ABHD12: variants seen among roughly 807,000 people sequenced by gnomAD.
The protein encoded by ABHD12 is abhydrolase domain containing 12, lysophospholipase.
ABHD12 carries 43 observed loss-of-function variants against 58.3 expected under a neutral mutation model. The observed-to-expected ratio is 0.74, with a 90% confidence interval of 0.58 to 0.95. The LOEUF (loss-of-function observed/expected upper bound fraction) is 0.95, where lower values mean the gene tolerates loss of function less well. Ranked by LOEUF, ABHD12 falls within the 40% of genes least tolerant of loss-of-function variation. The pLI is 0.00. For missense variants in ABHD12, 539 were observed against 537.2 expected (o/e 1.00, Z -0.03); for synonymous variants, 219 against 211.2 (o/e 1.04, Z -0.32).
At chr20:25,339,714 G>C (rs375082129) in intron 1 of ABHD12, 16 of 1,361,900 alleles carry the variant, frequency 1.2e-5, no homozygotes, top group African/African-American at 1.5e-5. Context: ...GGAAAGAGCG[G>C]CCTCCTCAGG....
chr20:25,296,353 C>T (rs1286155161), downstream of ABHD12: 3 of 1,613,784 alleles, frequency 1.9e-6, no homozygotes, highest in Middle Eastern at 3.3e-4. Context: ...AGACTAATTT[C>T]ATCTCCTTCC....
intron 1 of ABHD12, among the ~76,000 whole-genome samples, chr20:25,382,577 G>A (rs771103429): frequency 3.3e-5 from 5 of 152,124 alleles, no homozygotes; most frequent in Non-Finnish European, 7.4e-5. Flanking sequence ...TTGCAGCAGC[G>A]GGAGTCTGAA....
Position 25,379,858 on chromosome 20 carries a change from C to CT in ABHD12, c.191+10654dup, listed in dbSNP as rs961320400. Among the ~76,000 whole-genome samples the CT allele has an allele frequency of 6.3e-3, 912 of 145,448 alleles. 9 individuals carry two copies. The highest frequency in any genetic ancestry group is 0.033 in the South Asian group (153 of 4,572). On this transcript the variant is annotated intron_variant, in intron 1 of 12. Transcript: ENST00000339157. Reference sequence around the variant, plus strand: ...TCATGCACGCCATGCCTGGCTAATTCTTTTTTTTTTTGGTCTAGATGAGGT... The same window carrying CT: ...TCATGCACGCCATGCCTGGCTAATTCTTTTTTTTTTTTGGTCTAGATGAGGT...
At chr20:25,349,042 C>G (rs985940630) in intron 1 of ABHD12, among the ~76,000 whole-genome samples, 2 of 150,700 alleles carry the variant, frequency 1.3e-5, no homozygotes, top group African/African-American at 4.9e-5. Flanking sequence ...CGAGATCGCG[C>G]CACTGCACTC....
chr20:25,319,368 G>A (rs1013651123), intron 4 of ABHD12, among the ~76,000 whole-genome samples: 1 of 152,242 alleles, frequency 6.6e-6, no homozygotes, highest in African/African-American at 2.4e-5. Flanking sequence ...GGGCAGGGCT[G>A]ATTAACCAAA....
chr20:25,361,683 T>C (rs908848829), intron 1 of ABHD12, among the ~76,000 whole-genome samples: 1 of 152,138 alleles, frequency 6.6e-6, no homozygotes, highest in African/African-American at 2.4e-5. Flanking sequence ...GGACCGGGCG[T>C]GGTGGCTCAC....
intron 1 of ABHD12, among the ~76,000 whole-genome samples, chr20:25,379,557 A>C (rs1193330871): frequency 6.6e-6 from 1 of 152,134 alleles, no homozygotes; most frequent in Non-Finnish European, 1.5e-5. Context: ...CCCTTCTCAC[A>C]GGCCCAGAGA....
intron 1 of ABHD12, among the ~76,000 whole-genome samples, chr20:25,363,939 G>A (rs1049423285): frequency 6.6e-5 from 10 of 152,154 alleles, no homozygotes; most frequent in African/African-American, 2.2e-4. Flanking sequence ...AATTAGAAAT[G>A]AAGGTGCAAA....
At chr20:25,323,219 TA>T in intron 3 of ABHD12, 105 bp downstream of exon 3, 1 of 788,000 alleles carries the variant, frequency 1.3e-6, no homozygotes. Context: ...GAGGTGAAGA[TA>T]AAAATGAACA....
At position 25,329,350 on chromosome 20, in the gene ABHD12, C is replaced by T. The variant is rs145829570; in HGVS notation, c.317-5920G>A. On this transcript the variant is annotated intron_variant, in intron 2 of 12. Transcript: ENST00000339157. ...TGAACCGGGAGCTCCTCATACAGGC[C>T]CCCGCACCATGGGCAAACAAGGCCC... Among the ~76,000 whole-genome samples the T allele has an allele frequency of 1.4e-3, 209 of 152,348 alleles. 2 individuals carry two copies. Among genetic ancestry groups the T allele is most frequent in the African/African-American group, 4.7e-3 (195 of 41,582 alleles).
At chr20:25,348,137 G>C (rs939088611) in intron 1 of ABHD12, among the ~76,000 whole-genome samples, 1 of 151,886 alleles carries the variant, frequency 6.6e-6, no homozygotes, top group South Asian at 2.1e-4. Context: ...TTGAATCTGG[G>C]AGGCAGAGGT....
chr20:25,328,261 C>T (rs1226987113), intron 2 of ABHD12, among the ~76,000 whole-genome samples: 1 of 152,190 alleles, frequency 6.6e-6, no homozygotes, highest in Non-Finnish European at 1.5e-5. Context: ...AGGGCCCACT[C>T]CTGCCACCTC....
chr20:25,297,063 GC>G, downstream of ABHD12: 1 of 160,400 alleles, frequency 6.2e-6, no homozygotes, highest in Non-Finnish European at 1.4e-5. Context: ...CGCCTTCACA[GC>G]CCCCTGCCCC....
intron 1 of ABHD12, among the ~76,000 whole-genome samples, chr20:25,355,863 G>A (rs966035356): frequency 0.043 from 6 of 138 alleles, no homozygotes; most frequent in African/African-American, 0.071. Flanking sequence ...AGCCCATAAA[G>A]GGTATTTTTA....
intron 1 of ABHD12, among the ~76,000 whole-genome samples, chr20:25,388,787 C>CTTTTTTTT (rs780031801): frequency 4.1e-5 from 5 of 122,090 alleles, no homozygotes; most frequent in Admixed American, 9.6e-5. Context: ...TTGATTTTTT[C>CTTTTTTTT]TTTTTTTTTT....
chr20:25,303,938 CTT>C (rs1046493385), intron 10 of ABHD12, among the ~76,000 whole-genome samples: 5 of 152,196 alleles, frequency 3.3e-5, no homozygotes, highest in African/African-American at 1.2e-4. Context: ...GGCCAAGAAA[CTT>C]AGTGTAAATG....
chr20:25,324,863 T>C (rs562714446), intron 2 of ABHD12, among the ~76,000 whole-genome samples: 1 of 152,046 alleles, frequency 6.6e-6, no homozygotes, highest in Non-Finnish European at 1.5e-5. Context: ...TCTCTCAAAA[T>C]AAAAAATGGC....
At chr20:25,347,090 G>A (rs145569701) in intron 1 of ABHD12, among the ~76,000 whole-genome samples, 2 of 152,196 alleles carry the variant, frequency 1.3e-5, no homozygotes, top group Non-Finnish European at 2.9e-5. Context: ...GACTTGAGAT[G>A]GAAACAAAAG....
intron 6 of ABHD12, among the ~76,000 whole-genome samples, 178 bp downstream of exon 6, chr20:25,314,747 C>T (rs565744544): frequency 2.0e-5 from 3 of 152,086 alleles, no homozygotes; most frequent in Admixed American, 6.5e-5. Flanking sequence ...CCTCCCCTAC[C>T]AGAAGGGGCT....
Sources: gnomAD v4.1 joint callset for allele counts (sites outside exome capture counted in the v4.1 genomes callset) on GRCh38, gnomAD v4.1.1 for gene constraint, MANE v1.5 for transcripts, NCBI Gene and HGNC (gene_info 2026-07-23, HGNC 2026-07-21) for gene names.